The following CDYL2 variants were observed in gnomAD, a reference collection of about 807,000 sequenced individuals.
CDYL2 encodes the protein chromodomain Y-like protein 2.
CDYL2 carries 23 observed loss-of-function variants against 49.4 expected under a neutral mutation model. That is an observed-to-expected ratio of 0.47 (90% confidence interval 0.34 to 0.66). The LOEUF (loss-of-function observed/expected upper bound fraction) is 0.66, where lower values mean the gene tolerates loss of function less well. CDYL2 is among the 30% of genes least tolerant of loss of function. The pLI is 0.01. For missense variants in CDYL2, 678 were observed against 656.4 expected, an observed-to-expected ratio of 1.03 and a Z score of -0.36; for synonymous variants, 360 against 268.8, an observed-to-expected ratio of 1.34 and a Z score of -3.32.
At chr16:80,653,119 G>T (rs1352871520) in intron 2 of CDYL2, among the ~76,000 whole-genome samples, 1 of 152,170 alleles carries the variant, frequency 6.6e-6, no homozygotes, top group African/African-American at 2.4e-5. Flanking sequence ...GGGCTATATA[G>T]AAACTTGCTG....
intron 2 of CDYL2, among the ~76,000 whole-genome samples, chr16:80,642,217 T>A (rs1258479507): frequency 6.6e-6 from 1 of 152,010 alleles, no homozygotes; most frequent in Non-Finnish European, 1.5e-5. Context: ...CCGAGGTGGG[T>A]GCTTCACTTG....
At chr16:80,693,814 T>C (rs1352414049) in intron 1 of CDYL2, among the ~76,000 whole-genome samples, 1 of 152,016 alleles carries the variant, frequency 6.6e-6, no homozygotes, top group Non-Finnish European at 1.5e-5. Flanking sequence ...AAGAGTGACC[T>C]TTTCTGTACG....
chr16:80,738,170 T>C (rs919953214), intron 1 of CDYL2, among the ~76,000 whole-genome samples: 1 of 152,222 alleles, frequency 6.6e-6, no homozygotes, highest in African/African-American at 2.4e-5. Flanking sequence ...TCCAGCTTCA[T>C]CCATGTCCCT....
At chr16:80,782,324 T>G (rs113128908) in intron 1 of CDYL2, among the ~76,000 whole-genome samples, 8 of 151,618 alleles carry the variant, frequency 5.3e-5, no homozygotes, top group African/African-American at 1.9e-4. Context: ...ATCTGTAACA[T>G]GTAAGGAGAT....
chr16:80,619,582 C>T (rs893752848), intron 4 of CDYL2, among the ~76,000 whole-genome samples: 23 of 152,286 alleles, frequency 1.5e-4, no homozygotes, highest in African/African-American at 5.5e-4. Context: ...ATCCTGTGGT[C>T]CCCCTTTGAT....
intron 1 of CDYL2, among the ~76,000 whole-genome samples, chr16:80,705,077 G>A (rs143495681): frequency 1.4e-4 from 22 of 152,294 alleles, no homozygotes; most frequent in Non-Finnish European, 2.9e-4. Context: ...CTTCGTCTAC[G>A]CTGACTTCAG....
chr16:80,791,367 T>C (rs1228016339), intron 1 of CDYL2, among the ~76,000 whole-genome samples: 2 of 152,204 alleles, frequency 1.3e-5, no homozygotes, highest in African/African-American at 2.4e-5. Context: ...ATTAAACAGA[T>C]TGGTTTTTGA....
At chr16:80,639,571 T>A (rs1907987435) in intron 2 of CDYL2, 1 of 412,418 alleles carries the variant, frequency 2.4e-6, no homozygotes, top group East Asian at 7.1e-5. Flanking sequence ...GAAGGCTCCA[T>A]GGATTGTACC....
intron 1 of CDYL2, among the ~76,000 whole-genome samples, chr16:80,744,816 G>A (rs559721758): frequency 4.6e-5 from 7 of 152,222 alleles, no homozygotes; most frequent in South Asian, 2.1e-4. Flanking sequence ...GTGACAGCTG[G>A]CAGCATGTCC....
intron 1 of CDYL2, among the ~76,000 whole-genome samples, chr16:80,778,734 A>G (rs1907170744): frequency 6.6e-6 from 1 of 152,094 alleles, no homozygotes; most frequent in Admixed American, 6.5e-5. Context: ...AATTTTGGAA[A>G]GAAATGGACT....
Position 80,617,690 on chromosome 16 carries a change from G to A in CDYL2, c.1007+3073C>T, listed in dbSNP as rs1045308320. On this transcript the variant is annotated intron_variant, in intron 4 of 6. Coordinates refer to ENST00000570137, the MANE Select transcript of CDYL2 (RefSeq NM_152342.4). The stretch of plus-strand genomic sequence containing the variant: ...CCGGGAGCATCTGTCTCTACACGCC[G>A]CATCTTCTGCACTTCCATCCATCTT... Among the ~76,000 whole-genome samples, 4 of 152,132 alleles carry A rather than the reference G, an allele frequency of 2.6e-5. No individual in the cohort carries two copies. The East Asian group carries it at 5.8e-4, about 22-fold the overall frequency.
At chr16:80,725,511 G>A (rs548126644) in intron 1 of CDYL2, among the ~76,000 whole-genome samples, 3 of 152,280 alleles carry the variant, frequency 2.0e-5, no homozygotes, top group East Asian at 3.9e-4. Flanking sequence ...AGGTGCTCAG[G>A]AAACATTCAT....
At chr16:80,671,513 T>C (rs769220025) in intron 2 of CDYL2, among the ~76,000 whole-genome samples, 4 of 152,150 alleles carry the variant, frequency 2.6e-5, no homozygotes, top group Non-Finnish European at 4.4e-5. Context: ...AAACGCATCT[T>C]CTCACCAACC....
chr16:80,647,057 T>C (rs566768089), intron 2 of CDYL2, among the ~76,000 whole-genome samples: 4 of 152,254 alleles, frequency 2.6e-5, no homozygotes, highest in African/African-American at 9.6e-5. Flanking sequence ...CATTTCTATA[T>C]GCCAACAGTA....
intron 2 of CDYL2, among the ~76,000 whole-genome samples, chr16:80,670,297 G>A (rs77698155): frequency 0.02 from 3,107 of 152,096 alleles, 122 homozygotes; most frequent in African/African-American, 0.071. Flanking sequence ...CACGGGGGGC[G>A]GTTACCCTCA....
chr16:80,689,424 G>T (rs1156687148), intron 1 of CDYL2, among the ~76,000 whole-genome samples: 2 of 152,198 alleles, frequency 1.3e-5, no homozygotes, highest in African/African-American at 2.4e-5. Context: ...CAGCTTTCCA[G>T]CTGGACATCA....
intron 2 of CDYL2, among the ~76,000 whole-genome samples, chr16:80,655,768 G>A (rs141702002): frequency 5.5e-4 from 83 of 152,260 alleles, no homozygotes; most frequent in Middle Eastern, 6.8e-3. Context: ...TTCTGGATGC[G>A]GGTGGCTGAA....
At chr16:80,670,390 T>A (rs1043872420) in intron 2 of CDYL2, among the ~76,000 whole-genome samples, 4 of 152,182 alleles carry the variant, frequency 2.6e-5, no homozygotes, top group Non-Finnish European at 4.4e-5. Context: ...TCAGCACTTC[T>A]CCTTGCTGCC....
rs1906030489 is a variant in CDYL2 at position 80,600,426 on chromosome 16, A to G, written c.*3962T>C. 5 of 152,236 alleles carry G rather than the reference A, an allele frequency of 3.3e-5. No homozygotes were observed. The highest frequency in any genetic ancestry group is 2.6e-4 in the Admixed American group (4 of 15,280). 9.4% of individuals were successfully genotyped at this position (152,236 alleles called of 1,614,324 possible). A position where few individuals can be genotyped will look rare whatever the true frequency, so the allele number is the denominator to read the frequency against. The stretch of plus-strand genomic sequence containing the variant: ...CCAAAATTTGCAGAAATAACTAAGC[A>G]ACACTTATCTACAACAAAAATATAC... On this transcript the variant is annotated 3_prime_UTR_variant, in exon 7 of 7. Transcript: ENST00000570137.
Sources: gnomAD v4.1 joint callset for allele counts (sites outside exome capture counted in the v4.1 genomes callset) on GRCh38, gnomAD v4.1.1 for gene constraint, MANE v1.5 for transcripts, NCBI Gene and HGNC (gene_info 2026-07-23, HGNC 2026-07-21) for gene names.